Variants in PTPRD observed in about 807,000 individuals in gnomAD.
PTPRD encodes the protein receptor-type tyrosine-protein phosphatase delta.
Under a neutral mutation model 214.5 loss-of-function variants are expected in PTPRD, and 34 were observed. The observed-to-expected ratio is 0.16, with a 90% CI of 0.12 to 0.21. PTPRD has a LOEUF of 0.21. Ranked by LOEUF, PTPRD falls within the 10% of genes least tolerant of loss-of-function variation. The probability of loss-of-function intolerance (pLI) is 1.00; values close to 1 mark genes in which losing one functional copy is unlikely to be tolerated. For synonymous variants in PTPRD, 1,128 were observed against 845.7 expected, an observed-to-expected ratio of 1.33 and a Z score of -5.79; for missense variants, 2,545 against 2,398.7, an observed-to-expected ratio of 1.06 and a Z score of -1.27.
At chr9:10,105,839 C>A (rs140545640) in intron 3 of PTPRD, among the ~76,000 whole-genome samples, 2,100 of 151,474 alleles carry the variant, frequency 0.014, 52 homozygotes, top group African/African-American at 0.048. Flanking sequence ...AGGACCCCTG[C>A]AATAGGGAAA....
intron 14 of PTPRD, among the ~76,000 whole-genome samples, chr9:8,618,925 T>C (rs1443302393): frequency 7.0e-6 from 1 of 143,536 alleles, no homozygotes; most frequent in Non-Finnish European, 1.5e-5. Context: ...TTTTTTTTTT[T>C]TTTTTTTTTT....
intron 11 of PTPRD, among the ~76,000 whole-genome samples, chr9:8,828,197 G>A (rs1601134721): frequency 6.6e-6 from 1 of 152,148 alleles, no homozygotes; most frequent in African/African-American, 2.4e-5. Context: ...TCAAAGACTT[G>A]TGTTTAAACA....
chr9:9,414,847 G>A (rs1201195286), intron 8 of PTPRD: 1 of 152,186 alleles, frequency 6.6e-6, no homozygotes, highest in Non-Finnish European at 1.5e-5. Context: ...TGGAAAGAGG[G>A]AGAGACATGA....
At chr9:9,004,694 C>T (rs936032662) in intron 11 of PTPRD, among the ~76,000 whole-genome samples, 7 of 151,900 alleles carry the variant, frequency 4.6e-5, no homozygotes, top group African/African-American at 1.5e-4. Flanking sequence ...AAACTGCCTG[C>T]GGAGGGCAAA....
At chr9:8,883,086 C>A (rs1249558578) in intron 11 of PTPRD, among the ~76,000 whole-genome samples, 1 of 152,044 alleles carries the variant, frequency 6.6e-6, no homozygotes, top group Non-Finnish European at 1.5e-5. Context: ...CTTAATAATA[C>A]CAATTATATT....
chr9:10,376,785 G>A (rs940413412), intron 2 of PTPRD, among the ~76,000 whole-genome samples: 11 of 151,762 alleles, frequency 7.2e-5, no homozygotes, highest in African/African-American at 2.7e-4. Context: ...TGGGTACATA[G>A]GAAGTGTATA....
At chr9:9,676,886 G>A (rs1267847473) in intron 7 of PTPRD, among the ~76,000 whole-genome samples, 3 of 152,086 alleles carry the variant, frequency 2.0e-5, no homozygotes, top group African/African-American at 4.8e-5. Context: ...GTGATGATGA[G>A]CATTTTTTCA....
intron 39 of PTPRD, among the ~76,000 whole-genome samples, chr9:8,352,494 A>G (rs1266676380): frequency 6.6e-6 from 1 of 152,176 alleles, no homozygotes; most frequent in Non-Finnish European, 1.5e-5. Flanking sequence ...TTTTTGAAAG[A>G]GGAGACAACC....
intron 3 of PTPRD, among the ~76,000 whole-genome samples, chr9:10,210,819 A>ATATATATATG (rs1554858769): frequency 1.4e-4 from 10 of 70,146 alleles, no homozygotes; most frequent in African/African-American, 8.0e-4. Flanking sequence ...ATATATATAT[A>ATATATATATG]TATGTATGTA....
At chr9:9,730,139 T>C (rs1293800903) in intron 7 of PTPRD, among the ~76,000 whole-genome samples, 1 of 152,078 alleles carries the variant, frequency 6.6e-6, no homozygotes, top group Non-Finnish European at 1.5e-5. Flanking sequence ...CTTTTTAAAC[T>C]CTCTAGATGG....
chr9:9,297,917 A>G (rs935539233), intron 9 of PTPRD, among the ~76,000 whole-genome samples: 1 of 151,636 alleles, frequency 6.6e-6, no homozygotes, highest in Admixed American at 6.6e-5. Flanking sequence ...ACACAGCCCT[A>G]TAAGATAAGT....
intron 2 of PTPRD, among the ~76,000 whole-genome samples, chr9:10,471,150 T>G (rs2131705243): frequency 1.2e-5 from 1 of 81,658 alleles, no homozygotes; most frequent in African/African-American, 4.2e-5. Flanking sequence ...TGTTGTGGGT[T>G]GGGGGCTAGG....
At chr9:9,093,380 A>C (rs1333970105) in intron 10 of PTPRD, among the ~76,000 whole-genome samples, 1 of 152,070 alleles carries the variant, frequency 6.6e-6, no homozygotes, top group Non-Finnish European at 1.5e-5. Context: ...GGCAGACTAC[A>C]TAGTTTATTC....
Position 9,514,075 on chromosome 9 carries a change from C to T in PTPRD, c.-237+60657G>A, listed in dbSNP as rs556978702. 2.0e-5 allele frequency among the ~76,000 whole-genome samples: 3 copies of T among 152,132 alleles called. No homozygotes were observed. In the South Asian group the frequency reaches 6.2e-4, roughly 32 times the overall value. ...TGCTAAGTACCCCAAAGCAAAAAGT[C>T]CCTTGTTTTTGTGCTTTGAACATTG... On this transcript the variant is annotated intron_variant, in intron 8 of 45. Coordinates refer to ENST00000381196, the MANE Select transcript of PTPRD (RefSeq NM_002839.4).
chr9:8,782,290 A>G (rs1218959411), intron 11 of PTPRD, among the ~76,000 whole-genome samples: 1 of 152,096 alleles, frequency 6.6e-6, no homozygotes, highest in Non-Finnish European at 1.5e-5. Flanking sequence ...ATCTACTCTT[A>G]GCAATTTTCA....
intron 5 of PTPRD, among the ~76,000 whole-genome samples, chr9:9,931,706 G>T (rs978995599): frequency 6.6e-6 from 1 of 151,566 alleles, no homozygotes; most frequent in Admixed American, 6.6e-5. Context: ...TGGGAAGCTC[G>T]AACTGGGTGG....
At chr9:9,324,067 A>G (rs1595787393) in intron 9 of PTPRD, among the ~76,000 whole-genome samples, 1 of 151,988 alleles carries the variant, frequency 6.6e-6, no homozygotes. Flanking sequence ...TATGTGCCAC[A>G]TTTTCTTAAT....
chr9:8,986,868 C>T (rs894750123), intron 11 of PTPRD, among the ~76,000 whole-genome samples: 1 of 151,934 alleles, frequency 6.6e-6, no homozygotes, highest in Admixed American at 6.6e-5. Flanking sequence ...TTTCAGTCAT[C>T]ATTATTTGGT....
chr9:9,234,928 T>C (rs961675438), intron 9 of PTPRD, among the ~76,000 whole-genome samples: 1 of 152,220 alleles, frequency 6.6e-6, no homozygotes, highest in Non-Finnish European at 1.5e-5. Flanking sequence ...ATTTCCAAAG[T>C]TGCTCTCACA....
Sources: allele counts gnomAD v4.1 joint callset (sites outside exome capture counted in the v4.1 genomes callset), GRCh38; gene constraint gnomAD v4.1.1; transcripts MANE v1.5; gene names NCBI Gene and HGNC (gene_info 2026-07-23, HGNC 2026-07-21).